CNTN5: variants seen among roughly 807,000 people sequenced by gnomAD.
CNTN5 encodes contactin-5.
Under a neutral mutation model 129.1 loss-of-function variants are expected in CNTN5, and 77 were observed. That is an observed-to-expected ratio of 0.60 (90% CI 0.50 to 0.72). The LOEUF (loss-of-function observed/expected upper bound fraction) is 0.72, where lower values mean the gene tolerates loss of function less well. CNTN5 is among the 30% of genes least tolerant of loss of function. CNTN5 has a pLI of 0.00. For synonymous variants in CNTN5, 509 were observed against 465.6 expected (o/e 1.09, Z -1.20); for missense variants, 1,478 against 1,328.8 (o/e 1.11, Z -1.75).
At chr11:99,499,204 C>G (rs1402300353) in intron 2 of CNTN5, among the ~76,000 whole-genome samples, 1 of 152,040 alleles carries the variant, frequency 6.6e-6, no homozygotes, top group South Asian at 2.1e-4. Context: ...GAACTGTTTC[C>G]TAGTAATTTC....
At chr11:99,210,224 A>G (rs901273956) in intron 1 of CNTN5, among the ~76,000 whole-genome samples, 14 of 152,224 alleles carry the variant, frequency 9.2e-5, no homozygotes, top group Admixed American at 1.3e-4. Context: ...ATTAATTTAT[A>G]GCATGAGAAT....
At chr11:99,527,756 G>T (rs1273068780) in intron 2 of CNTN5, among the ~76,000 whole-genome samples, 1 of 152,146 alleles carries the variant, frequency 6.6e-6, no homozygotes, top group Non-Finnish European at 1.5e-5. Context: ...AACTGCCAGG[G>T]CAATGCCAGT....
chr11:100,036,239 G>A (rs564510410), intron 9 of CNTN5, among the ~76,000 whole-genome samples: 19 of 152,138 alleles, frequency 1.2e-4, no homozygotes, highest in African/African-American at 3.6e-4. Flanking sequence ...TTTCCCCATT[G>A]CTTGTTTTTG....
At chr11:99,560,011 G>A (rs931356065) in intron 3 of CNTN5, among the ~76,000 whole-genome samples, 1 of 152,076 alleles carries the variant, frequency 6.6e-6, no homozygotes, top group African/African-American at 2.4e-5. Context: ...AAAAGCTGTG[G>A]AGACTATAAA....
At chr11:99,141,505 A>G (rs1361269842) in intron 1 of CNTN5, among the ~76,000 whole-genome samples, 1 of 151,790 alleles carries the variant, frequency 6.6e-6, no homozygotes, top group Non-Finnish European at 1.5e-5. Flanking sequence ...TTATTTCACC[A>G]TTTTATTCAC....
At chr11:99,462,656 T>C (rs1290721410) in intron 2 of CNTN5, among the ~76,000 whole-genome samples, 5 of 152,176 alleles carry the variant, frequency 3.3e-5, no homozygotes, top group African/African-American at 1.2e-4. Context: ...AAGAGTCCGG[T>C]AGTACTGAAT....
rs547953380 is a variant in CNTN5 at position 100,289,694 on chromosome 11, T to G, written c.2315-7931T>G. ...AACTGGAAGCATTCCCTTTGAAAACTGGCACAAGACAGGGATGCCCTCTCT... is the reference window on the plus strand; with the variant it reads ...AACTGGAAGCATTCCCTTTGAAAACGGGCACAAGACAGGGATGCCCTCTCT... On this transcript the variant is annotated intron_variant, in intron 18 of 24. Transcript: ENST00000524871. 5.6e-3 allele frequency among the ~76,000 whole-genome samples: 842 copies of G among 151,066 alleles called. 8 individuals carry two copies. Among genetic ancestry groups the G allele is most frequent in the Non-Finnish European group, 5.3e-3 (356 of 67,582 alleles).
At position 100,356,169 on chromosome 11, in the gene CNTN5, G is replaced by A. The variant is rs34539243; in HGVS notation, c.3252G>A (p.Ser1084=). 3.4e-3 allele frequency: 5,525 copies of A among 1,610,368 alleles called. 136 individuals carry two copies. The African/African-American group carries it at 0.059, about 17-fold the overall frequency. The change falls in exon 25 of 25, where the codon TCG becomes TCA. Residue 1084 remains serine, a synonymous_variant. Transcript: ENST00000524871. ...QSTLHSLSTS[S]SSVTLLLALM... ...CCCTTCACTCTCTCTCCACATCTTC[G>A]TCATCAGTCACCTTGCTCTTGGCAT...
In CNTN5 at chr11:99,273,397, T is replaced by C. The variant is rs145812186; in HGVS notation, c.-209-51949T>C. Among the ~76,000 whole-genome samples, 13 of 151,980 alleles carry C rather than the reference T, an allele frequency of 8.6e-5. 1 individual carries two copies. In the East Asian group the frequency reaches 2.5e-3, roughly 30 times the overall value. On this transcript the variant is annotated intron_variant, in intron 1 of 24. Coordinates refer to ENST00000524871, the MANE Select transcript of CNTN5 (RefSeq NM_014361.4). ...TCGTTCAATACTAGGTCCGCTTCTCTAGTGTATCCCAACGGGAGGAGTCAG... is the reference window on the plus strand; with the variant it reads ...TCGTTCAATACTAGGTCCGCTTCTCCAGTGTATCCCAACGGGAGGAGTCAG...
chr11:99,734,396 A>G (rs2135118010), intron 3 of CNTN5, among the ~76,000 whole-genome samples: 1 of 152,242 alleles, frequency 6.6e-6, no homozygotes, highest in East Asian at 1.9e-4. Flanking sequence ...GTCAGGCCTC[A>G]GAGGTACCTG....
chr11:100,163,045 A>T (rs913041826), intron 13 of CNTN5, among the ~76,000 whole-genome samples: 4 of 151,844 alleles, frequency 2.6e-5, no homozygotes, highest in African/African-American at 4.8e-5. Context: ...GTGTTAGAGT[A>T]TATTAAGTTT....
At chr11:99,293,432 C>G (rs754811984) in intron 1 of CNTN5, among the ~76,000 whole-genome samples, 7 of 151,954 alleles carry the variant, frequency 4.6e-5, no homozygotes, top group African/African-American at 7.2e-5. Flanking sequence ...AGCAGGGTAC[C>G]TTGTAGAATG....
At chr11:99,411,215 T>C (rs574655478) in intron 2 of CNTN5, among the ~76,000 whole-genome samples, 2 of 152,198 alleles carry the variant, frequency 1.3e-5, no homozygotes, top group Non-Finnish European at 2.9e-5. Context: ...AATTTTTCAG[T>C]TGAGGAAGCC....
intron 3 of CNTN5, among the ~76,000 whole-genome samples, chr11:99,801,251 A>G (rs1946105616): frequency 6.6e-6 from 1 of 152,160 alleles, no homozygotes; most frequent in African/African-American, 2.4e-5. Context: ...GAATGCTGAA[A>G]ATAGGCCTCC....
intron 1 of CNTN5, among the ~76,000 whole-genome samples, chr11:99,262,688 G>A (rs1376740441): frequency 6.7e-6 from 1 of 148,298 alleles, no homozygotes. Flanking sequence ...TTATATTAAT[G>A]TTTAAAATTA....
intron 1 of CNTN5, among the ~76,000 whole-genome samples, chr11:99,077,943 A>T (rs1311833490): frequency 6.6e-6 from 1 of 152,184 alleles, no homozygotes; most frequent in East Asian, 1.9e-4. Context: ...TCTTTATAGC[A>T]GTATGAAAAT....
At chr11:99,847,929 C>T (rs1163709172) in intron 6 of CNTN5, among the ~76,000 whole-genome samples, 1 of 152,044 alleles carries the variant, frequency 6.6e-6, no homozygotes, top group African/African-American at 2.4e-5. Flanking sequence ...AATTAGTCCG[C>T]AGGCTGGGCG....
intron 2 of CNTN5, among the ~76,000 whole-genome samples, chr11:99,362,734 C>T (rs1461172176): frequency 6.6e-6 from 1 of 151,418 alleles, no homozygotes; most frequent in African/African-American, 2.4e-5. Flanking sequence ...TCATTATCTT[C>T]GATGTGGATA....
At chr11:99,119,784 C>T (rs1452138002) in intron 1 of CNTN5, among the ~76,000 whole-genome samples, 2 of 152,074 alleles carry the variant, frequency 1.3e-5, no homozygotes, top group Non-Finnish European at 2.9e-5. Context: ...TTCTCCACAA[C>T]CCCACCAGCA....
Sources: allele counts gnomAD v4.1 joint callset (sites outside exome capture counted in the v4.1 genomes callset), GRCh38; gene constraint gnomAD v4.1.1; transcripts MANE v1.5; gene names NCBI Gene and HGNC (gene_info 2026-07-23, HGNC 2026-07-21).